Variants in CEACAM21 observed in about 807,000 individuals in gnomAD.
The protein encoded by CEACAM21 is CEA cell adhesion molecule 21, also known as cell adhesion molecule CEACAM21.
CEACAM21 carries 38 observed loss-of-function variants against 33.2 expected under a neutral mutation model. The ratio of observed to expected loss-of-function variants is 1.14; its 90% CI spans 0.88 to 1.50. CEACAM21 has a LOEUF of 1.50. Ranked by LOEUF, CEACAM21 falls within the 40% of genes most tolerant of loss-of-function variation. CEACAM21 has a pLI of 0.00. For synonymous variants in CEACAM21, 156 were observed against 143.0 expected (o/e 1.09, Z -0.65); for missense variants, 385 against 364.6 (o/e 1.06, Z -0.46).
Position 41,576,323 on chromosome 19 carries a change from G to A in CEACAM21, c.49G>A (p.Gly17Arg). ...CCACAGAGAATGCATCCCCTGGCAG[G>A]GGCTCTTGCTCACAGGTGAGGGGAG... ...CPHRECIPWQ[G>R]LLLTASLLTF... is the part of the protein sequence containing the mutation. The change falls in exon 1 of 7, where the codon GGG becomes AGG. Residue 17 changes from glycine (G) to arginine (R), a missense_variant. Transcript: ENST00000401445. The A allele has an allele frequency of 6.2e-7, 1 of 1,611,928 alleles. No individual in the cohort carries two copies. The highest frequency in any genetic ancestry group is 8.5e-7 in the Non-Finnish European group (1 of 1,178,770).
chr19:41,586,516 A>T lies in CEACAM21; in HGVS notation c.*53A>T. On this transcript the variant is annotated 3_prime_UTR_variant, in exon 7 of 7. Coordinates refer to ENST00000401445, the MANE Select transcript of CEACAM21 (RefSeq NM_001098506.4). ...TACTGCTGGATCGACCACAAAGCAG[A>T]TGTGGCTTCTTAGGTTCCTCTGGGA... 2 of 632,248 alleles carry T rather than the reference A, an allele frequency of 3.2e-6. No homozygotes were observed. Among genetic ancestry groups the T allele is most frequent in the South Asian group, 2.7e-5 (2 of 73,370 alleles). The allele number at this position is 632,248 out of a possible 1,614,324, so 39.2% of individuals were successfully genotyped here.
chr19:41,557,690 A>G (rs2041621556), intron 1 of CEACAM21, among the ~76,000 whole-genome samples: 1 of 152,210 alleles, frequency 6.6e-6, no homozygotes, highest in South Asian at 2.1e-4. Context: ...CTAAAAAGAG[A>G]GAGCATGTTT....
Position 41,579,544 on chromosome 19 carries a change from C to G in CEACAM21, c.616C>G (p.Gln206Glu). 1 of 1,611,130 alleles carries G rather than the reference C, an allele frequency of 6.2e-7. No homozygotes were observed. The highest frequency in any genetic ancestry group is 2.2e-5 in the East Asian group (1 of 44,802). ...TGTGCTCACCATAGACCCCATCAGG[C>G]AGGAGGACGCTGGGGAGTATCAGTG... ...NHVLTIDPIR[Q>E]EDAGEYQCEV... The change falls in exon 3 of 7, where the codon CAG (glutamine) becomes GAG (glutamate). Residue 206 changes from glutamine to glutamate, a missense_variant. Coordinates refer to ENST00000401445, the MANE Select transcript of CEACAM21 (RefSeq NM_001098506.4).
At chr19:41,572,499 C>A (rs1251794277), upstream of CEACAM21, among the ~76,000 whole-genome samples, 1 of 152,116 alleles carries the variant, frequency 6.6e-6, no homozygotes, top group Non-Finnish European at 1.5e-5. Flanking sequence ...CCAGAATGTT[C>A]CTCCTCTTCC....
At chr19:41,573,083 C>T (rs782654391), upstream of CEACAM21, among the ~76,000 whole-genome samples, 1 of 152,176 alleles carries the variant, frequency 6.6e-6, no homozygotes. Flanking sequence ...GGAGGTCTGA[C>T]CAGGAGCTGC....
At position 41,577,527 on chromosome 19, in the gene CEACAM21, T is replaced by C. The variant is rs544630410; in HGVS notation, c.392T>C (p.Ile131Thr). The C allele has an allele frequency of 3.5e-5, 57 of 1,614,012 alleles. No homozygotes were observed. The South Asian group carries it at 5.6e-4, about 16-fold the overall frequency. The change falls in exon 2 of 7, where the codon ATT becomes ACT. Residue 131 changes from isoleucine (I) to threonine (T), a missense_variant. Ile to Thr is a moderately conservative substitution (Grantham distance 89). Coordinates refer to ENST00000401445, the MANE Select transcript of CEACAM21 (RefSeq NM_001098506.4). ...NLQVTYRNSQ[I>T]EQASHHLRVY... ...CAAGTCACATACAGAAATTCTCAGA[T>C]TGAACAGGCATCTCACCATCTCCGT...
Position 41,577,281 on chromosome 19 carries a change from A to C in CEACAM21, c.146A>C (p.Glu49Ala). The C allele has an allele frequency of 6.2e-7, 1 of 1,614,146 alleles. No homozygotes were observed. Among genetic ancestry groups the C allele is most frequent in the Non-Finnish European group, 8.5e-7 (1 of 1,180,018 alleles). Reference protein sequence around the residue: ...ASAPFEVAEGENVHLSVVYLP... With the variant: ...ASAPFEVAEGANVHLSVVYLP... ...GCGCCCTTTGAAGTTGCTGAAGGGGAGAATGTTCATCTCTCTGTGGTTTAT... is the reference window on the plus strand; with the variant it reads ...GCGCCCTTTGAAGTTGCTGAAGGGGCGAATGTTCATCTCTCTGTGGTTTAT... Residue 49 changes from glutamate (E) to alanine (A), a missense_variant, in exon 2 of 7, where the codon GAG becomes GCG. Physicochemically the swap from Glu to Ala is moderately radical, Grantham distance 107. Transcript: ENST00000401445.
At chr19:41,572,558 C>T (rs2042679567), upstream of CEACAM21, among the ~76,000 whole-genome samples, 1 of 152,124 alleles carries the variant, frequency 6.6e-6, no homozygotes, top group Non-Finnish European at 1.5e-5. Flanking sequence ...GCTCTCTCGC[C>T]CAATGTTCAC....
At chr19:41,564,214 C>T (rs933470088) in intron 1 of CEACAM21, among the ~76,000 whole-genome samples, 32 of 152,080 alleles carry the variant, frequency 2.1e-4, no homozygotes, top group Admixed American at 4.6e-4. Context: ...CCAGCTAGCC[C>T]TGTGGTAACA....
At position 41,568,728 on chromosome 19, in the gene CEACAM21, C is replaced by T. The variant is rs564780583; in HGVS notation, c.-404+3672C>T. ...TTGATTGTCAGGAAGTGTAATGCCA[C>T]TAGCTTTGTTCTATTTGTTTAAGAT... On this transcript the variant is annotated intron_variant, in intron 2 of 7. Coordinates refer to the CEACAM21 transcript ENST00000407170. 3.9e-5 allele frequency among the ~76,000 whole-genome samples: 6 copies of T among 152,318 alleles called. No individual in the cohort carries two copies. The East Asian group carries it at 1.2e-3, about 29-fold the overall frequency.
intron 2 of CEACAM21, among the ~76,000 whole-genome samples, chr19:41,565,226 G>GC (rs2042172307): frequency 6.6e-6 from 1 of 152,024 alleles, no homozygotes; most frequent in South Asian, 2.1e-4. Context: ...AGCCCGCCCC[G>GC]CCCCGCTCCC....
At chr19:41,576,164 G>A (rs2042926701), upstream of CEACAM21, 1 of 1,308,214 alleles carries the variant, frequency 7.6e-7, no homozygotes, top group East Asian at 2.4e-5. Flanking sequence ...AGGAAGCTCA[G>A]CATAGAGGAA....
chr19:41,577,649 C>T (rs529029444), intron 2 of CEACAM21, 90 bp downstream of exon 2: 2 of 1,565,810 alleles, frequency 1.3e-6, no homozygotes, highest in East Asian at 2.2e-5. Context: ...CCTGCATCCC[C>T]CTCTGCATTA....
At chr19:41,549,894 T>A (rs1017191154) in intron 1 of CEACAM21, among the ~76,000 whole-genome samples, 7 of 152,088 alleles carry the variant, frequency 4.6e-5, no homozygotes, top group South Asian at 2.1e-4. Flanking sequence ...TTTAATCCTT[T>A]CCGGAAAAAA....
In CEACAM21 at chr19:41,576,278, G is replaced by A. The variant is rs1555790982; in HGVS notation, c.4G>A (p.Gly2Arg). The A allele has an allele frequency of 2.5e-6, 4 of 1,613,688 alleles. No individual in the cohort carries two copies. The highest frequency in any genetic ancestry group is 1.1e-5 in the South Asian group (1 of 91,064). The change falls in exon 1 of 7, where the codon GGG becomes AGG. Residue 2 changes from glycine (G) to arginine (R), a missense_variant. Transcript: ENST00000401445. ...GACAGAGCAGGCAGCAGAGACCATG[G>A]GGCCCCCCTCAGCTTGTCCCCACAG... M[G>R]PPSACPHREC...
At position 41,585,918 on chromosome 19, in the gene CEACAM21, T is replaced by C. The variant is rs2070703898; in HGVS notation, c.*47T>C. ...CCCATTTCCACTGGGGCCCCAGCTG[T>C]GCAGGCTCAGGGCAGGGGGACTGTC... On this transcript the variant is annotated intron_variant, in intron 6 of 6. Coordinates refer to ENST00000401445, the MANE Select transcript of CEACAM21 (RefSeq NM_001098506.4). The C allele has an allele frequency of 5.0e-6, 8 of 1,594,860 alleles. No homozygotes were observed. In the East Asian group the frequency reaches 1.8e-4, roughly 36 times the overall value.
chr19:41,584,520 A>T (rs2038835980), intron 4 of CEACAM21, 77 bp downstream of exon 4: 1 of 1,319,178 alleles, frequency 7.6e-7, no homozygotes, highest in Non-Finnish European at 1.1e-6. Context: ...CCTGTCTTGT[A>T]TTCAGTGCCA....
chr19:41,554,812 T>TTA (rs1453159265), intron 1 of CEACAM21: 2 of 152,082 alleles, frequency 1.3e-5, no homozygotes, highest in Non-Finnish European at 2.9e-5. Context: ...AAATGCTGAA[T>TTA]TATACCCCTT....
intron 2 of CEACAM21, among the ~76,000 whole-genome samples, chr19:41,568,378 TC>T (rs1268465936): frequency 1.3e-5 from 2 of 152,168 alleles, no homozygotes; most frequent in African/African-American, 4.8e-5. Context: ...TCATGGATTT[TC>T]CCCCTATATT....
Sources: allele counts gnomAD v4.1 joint callset (sites outside exome capture counted in the v4.1 genomes callset), GRCh38; gene constraint gnomAD v4.1.1; transcripts MANE v1.5; gene names NCBI Gene and HGNC (gene_info 2026-07-23, HGNC 2026-07-21).